Variants in DZANK1 observed in about 807,000 individuals in gnomAD.
The protein encoded by DZANK1 is double zinc ribbon and ankyrin repeat-containing protein 1.
DZANK1 carries 91 observed loss-of-function variants against 94.5 expected under a neutral mutation model. The observed-to-expected ratio is 0.96, with a 90% CI of 0.81 to 1.15. The LOEUF (loss-of-function observed/expected upper bound fraction) is 1.15, where lower values mean the gene tolerates loss of function less well. DZANK1 is among the 50% of genes most tolerant of loss of function. DZANK1 has a pLI of 0.00. For synonymous variants in DZANK1, 312 were observed against 325.3 expected, an observed-to-expected ratio of 0.96 and a Z score of 0.44; for missense variants, 903 against 916.4, an observed-to-expected ratio of 0.99 and a Z score of 0.19.
intron 19 of DZANK1, among the ~76,000 whole-genome samples, chr20:18,388,421 G>A (rs1241486131): frequency 1.3e-5 from 2 of 152,138 alleles, no homozygotes; most frequent in Non-Finnish European, 2.9e-5. Context: ...CAATGCCCAG[G>A]GCACTTTCCT....
At chr20:18,427,080 G>A (rs753501057) in exon 10 of DZANK1, 2 of 1,611,472 alleles carry the variant, frequency 1.2e-6, no homozygotes, top group Admixed American at 1.7e-5. Flanking sequence ...TTGTGATGAA[G>A]GCAGGGCCCC....
intron 2 of DZANK1, among the ~76,000 whole-genome samples, chr20:18,461,727 G>A (rs2059480068): frequency 6.6e-6 from 1 of 151,698 alleles, no homozygotes; most frequent in Admixed American, 6.6e-5. Context: ...AACCTCTTGA[G>A]TAGCTAGGAT....
intron 8 of DZANK1, 138 bp from the exon 9 acceptor site, chr20:18,433,903 C>T (rs1047332242): frequency 1.6e-5 from 11 of 702,054 alleles, no homozygotes; most frequent in African/African-American, 3.6e-5. Flanking sequence ...CTAGGCAGGT[C>T]GGGCTTGGTT....
At chr20:18,386,549 TA>T (rs1412696551) in intron 19 of DZANK1, among the ~76,000 whole-genome samples, 1 of 151,846 alleles carries the variant, frequency 6.6e-6, no homozygotes, top group African/African-American at 2.4e-5. Context: ...CTAGAAAGAA[TA>T]ACGATTATTC....
chr20:18,398,908 G>A (rs1211980800), intron 13 of DZANK1, among the ~76,000 whole-genome samples: 1 of 151,846 alleles, frequency 6.6e-6, no homozygotes, highest in Non-Finnish European at 1.5e-5. Context: ...GAGGCAGGTG[G>A]ATCACTTGAG....
intron 10 of DZANK1, among the ~76,000 whole-genome samples, chr20:18,418,170 G>T (rs116413304): frequency 0.024 from 3,623 of 152,130 alleles, 147 homozygotes; most frequent in African/African-American, 0.083. Flanking sequence ...ATACAAGCAG[G>T]AGGGGAGTTA....
At chr20:18,460,443 G>A in intron 2 of DZANK1, 137 bp from the exon 3 acceptor site, 1 of 727,866 alleles carries the variant, frequency 1.4e-6, no homozygotes. Flanking sequence ...TTAAAGTTGT[G>A]ACTTAGGACA....
chr20:18,428,164 AG>A (rs2058132899), intron 9 of DZANK1, among the ~76,000 whole-genome samples: 1 of 150,438 alleles, frequency 6.6e-6, no homozygotes, highest in South Asian at 2.1e-4. Context: ...AAAAAAAAAA[AG>A]AAAGAGAGTG....
chr20:18,402,655 C>G (rs1242843921), intron 13 of DZANK1, among the ~76,000 whole-genome samples: 1 of 152,132 alleles, frequency 6.6e-6, no homozygotes, highest in East Asian at 1.9e-4. Context: ...CCCGCTTGGC[C>G]TTCTTCAAAG....
chr20:18,384,476 G>GT lies in DZANK1; in HGVS notation c.2181dup (p.Leu728ThrfsTer11), dbSNP rs2048358592. 1 of 1,612,122 alleles carries GT rather than the reference G, an allele frequency of 6.2e-7. No individual in the cohort carries two copies. Among genetic ancestry groups the GT allele is most frequent in the East Asian group, 2.2e-5 (1 of 44,846 alleles). Reference sequence around the variant, plus strand: ...CCTTGGCCAAACTTGGCAGCAAAGAGTGAGGTGACAAGGTCATCTCCAGTG... The same window carrying GT: ...CCTTGGCCAAACTTGGCAGCAAAGAGTTGAGGTGACAAGGTCATCTCCAGTG... On this transcript the variant is annotated frameshift_variant, in exon 21 of 21. Transcript: ENST00000262547. LOFTEE classifies it high-confidence loss of function.
At chr20:18,420,985 TC>T in intron 10 of DZANK1, 1 of 166,818 alleles carries the variant, frequency 6.0e-6, no homozygotes, top group Non-Finnish European at 1.3e-5. Context: ...ATTTTTTTTG[TC>T]CACATGAATG....
At chr20:18,413,119 T>C (rs776630555) in intron 12 of DZANK1, 61 of 520,534 alleles carry the variant, frequency 1.2e-4, no homozygotes, top group Non-Finnish European at 1.9e-4. Context: ...CTGGAAGATA[T>C]CTATCCTTTT....
intron 6 of DZANK1, among the ~76,000 whole-genome samples, chr20:18,452,180 G>A (rs549127016): frequency 5.9e-5 from 9 of 151,704 alleles, no homozygotes; most frequent in Non-Finnish European, 1.2e-4. Context: ...TGATTCTAAC[G>A]TGCAGCCATG....
chr20:18,440,729 G>T (rs2058691369), intron 8 of DZANK1, among the ~76,000 whole-genome samples: 1 of 152,200 alleles, frequency 6.6e-6, no homozygotes. Context: ...AGACAGAAGG[G>T]CATCCTCAGA....
chr20:18,448,872 A>G, intron 7 of DZANK1, 112 bp downstream of exon 7: 1 of 847,444 alleles, frequency 1.2e-6, no homozygotes, highest in South Asian at 1.8e-5. Flanking sequence ...GTCTCAAAAA[A>G]AAAAAAAAAA....
intron 13 of DZANK1, among the ~76,000 whole-genome samples, chr20:18,403,601 G>A (rs1600787821): frequency 1.3e-5 from 2 of 152,048 alleles, no homozygotes; most frequent in Admixed American, 1.3e-4. Flanking sequence ...AGCTAAATAG[G>A]CCAGCCAGTT....
At chr20:18,451,758 C>T (rs1230856068) in intron 6 of DZANK1, 4 of 424,388 alleles carry the variant, frequency 9.4e-6, no homozygotes, top group Non-Finnish European at 1.8e-5. Flanking sequence ...GACTTGGCTC[C>T]TCCCCTTCCC....
chr20:18,455,440 T>C, intron 3 of DZANK1, 79 bp from the exon 4 acceptor site: 1 of 886,902 alleles, frequency 1.1e-6, no homozygotes, highest in Non-Finnish European at 1.8e-6. Context: ...GATGATTTTA[T>C]TAAAGTGCCT....
In DZANK1 at chr20:18,390,480, G is replaced by A. The variant is rs779897479; in HGVS notation, c.1810-21C>T. Reference sequence around the variant, plus strand: ...TCAGGCTGCAGGATTACAGAATGTGGTCATTTCCCCCACTTCAAAATATTC... The same window carrying A: ...TCAGGCTGCAGGATTACAGAATGTGATCATTTCCCCCACTTCAAAATATTC... On this transcript the variant is annotated intron_variant, in intron 17 of 20. Transcript: ENST00000262547. 3.7e-6 allele frequency: 6 copies of A among 1,609,994 alleles called. No individual in the cohort carries two copies. In the South Asian group the frequency reaches 6.6e-5, roughly 18 times the overall value.
Sources: allele counts gnomAD v4.1 joint callset (sites outside exome capture counted in the v4.1 genomes callset), GRCh38; gene constraint gnomAD v4.1.1; transcripts MANE v1.5; gene names NCBI Gene and HGNC (gene_info 2026-07-23, HGNC 2026-07-21).